Variants in PARG observed in about 807,000 individuals in gnomAD.
PARG encodes poly(ADP-ribose) glycohydrolase.
PARG carries 35 observed loss-of-function variants against 113.0 expected under a neutral mutation model. The ratio of observed to expected loss-of-function variants is 0.31; its 90% CI spans 0.24 to 0.41. PARG has a LOEUF of 0.41. Ranked by LOEUF, PARG falls within the 10% of genes least tolerant of loss-of-function variation. The pLI is 1.00. For missense variants in PARG, 797 were observed against 1,169.4 expected, an observed-to-expected ratio of 0.68 and a Z score of 4.64; for synonymous variants, 330 against 409.9, an observed-to-expected ratio of 0.81 and a Z score of 2.36.
At position 49,934,100 on chromosome 10, in the gene PARG, A is replaced by G. The variant is rs1838625560; in HGVS notation, c.348T>C (p.Asp116=). The change falls in exon 3 of 18, where the codon GAT becomes GAC. Residue 116 remains aspartate, a synonymous_variant. Coordinates refer to ENST00000616448, the MANE Select transcript of PARG (RefSeq NM_003631.5). Reference sequence around the variant, plus strand: ...TTTCTACATTATGTTGGTAAAAGTTATCTTTTTGTACAGAACTCATCATGG... The same window carrying G: ...TTTCTACATTATGTTGGTAAAAGTTGTCTTTTTGTACAGAACTCATCATGG... ...IESMMSSVQK[D]NFYQHNVEKL... 1 of 1,353,920 alleles carries G rather than the reference A, an allele frequency of 7.4e-7. No homozygotes were observed. Among genetic ancestry groups the G allele is most frequent in the Non-Finnish European group, 1.1e-6 (1 of 942,254 alleles). The allele number at this position is 1,353,920 out of a possible 1,614,324, so 83.9% of individuals were successfully genotyped here.
At chr10:49,920,509 CACAT>C (rs1455309519) in intron 6 of PARG, among the ~76,000 whole-genome samples, 10 of 122,190 alleles carry the variant, frequency 8.2e-5, no homozygotes, top group East Asian at 2.2e-4. Context: ...CACACACACA[CACAT>C]ATATATGTAT....
At chr10:49,883,992 T>A (rs1332290048) in intron 8 of PARG, among the ~76,000 whole-genome samples, 5 of 151,928 alleles carry the variant, frequency 3.3e-5, no homozygotes, top group African/African-American at 9.7e-5. Flanking sequence ...TATTATGTCA[T>A]AAGGACAATC....
intron 6 of PARG, among the ~76,000 whole-genome samples, chr10:49,920,903 A>T (rs2664662): frequency 6.6e-6 from 1 of 152,066 alleles, no homozygotes; most frequent in South Asian, 2.1e-4. Context: ...GCTAACCTGA[A>T]ATATTAAAAT....
At chr10:49,834,749 A>C (rs181095746) in intron 15 of PARG, among the ~76,000 whole-genome samples, 1 of 152,108 alleles carries the variant, frequency 6.6e-6, no homozygotes, top group East Asian at 1.9e-4. Flanking sequence ...CTGAGGTGGG[A>C]GGACTGCTTG....
intron 16 of PARG, among the ~76,000 whole-genome samples, chr10:49,824,938 G>A (rs1418896652): frequency 6.6e-6 from 1 of 152,096 alleles, no homozygotes; most frequent in Non-Finnish European, 1.5e-5. Context: ...TCAACTCCAA[G>A]CAGACCTTAC....
intron 7 of PARG, among the ~76,000 whole-genome samples, chr10:49,887,528 A>G (rs1554840668): frequency 6.6e-6 from 1 of 152,138 alleles, no homozygotes. Context: ...TTGCCATGTT[A>G]CCTACATGGA....
In PARG at chr10:49,941,485, A is replaced by T. The variant is rs1362549033; in HGVS notation, c.217+24T>A. The T allele has an allele frequency of 3.8e-4, 582 of 1,513,790 alleles. 1 individual carries two copies. The highest frequency in any genetic ancestry group is 5.0e-4 in the Non-Finnish European group (557 of 1,113,644). 93.8% of individuals were successfully genotyped at this position (1,513,790 alleles called of 1,614,324 possible). ...GAAGGTTCGGGCCGAGGCGAAGGACAAAGATTTTTATTTTCCCACGTACCA... is the reference window on the plus strand; with the variant it reads ...GAAGGTTCGGGCCGAGGCGAAGGACTAAGATTTTTATTTTCCCACGTACCA... On this transcript the variant is annotated intron_variant, in intron 1 of 17. Coordinates refer to ENST00000616448, the MANE Select transcript of PARG (RefSeq NM_003631.5).
At chr10:49,868,359 CT>C (rs1846624178) in intron 10 of PARG, among the ~76,000 whole-genome samples, 1 of 152,116 alleles carries the variant, frequency 6.6e-6, no homozygotes, top group South Asian at 2.1e-4. Flanking sequence ...CCAAATGATT[CT>C]GCATTGTAAT....
At chr10:49,937,604 G>A (rs1401039710) in intron 1 of PARG, among the ~76,000 whole-genome samples, 2 of 152,082 alleles carry the variant, frequency 1.3e-5, no homozygotes, top group Non-Finnish European at 2.9e-5. Flanking sequence ...GCAATGACTA[G>A]GTTCCTATAA....
intron 12 of PARG, 72 bp from the exon 13 acceptor site, chr10:49,857,525 T>C: frequency 2.4e-6 from 2 of 841,618 alleles, no homozygotes; most frequent in Non-Finnish European, 1.9e-6. Context: ...GCACATAGTC[T>C]CTAAGCTCTC....
At chr10:49,936,244 C>T (rs1164161063) in intron 1 of PARG, among the ~76,000 whole-genome samples, 1 of 152,060 alleles carries the variant, frequency 6.6e-6, no homozygotes, top group African/African-American at 2.4e-5. Flanking sequence ...TCATTACAGA[C>T]TTCACAATAA....
chr10:49,938,015 T>G (rs1838833114), intron 1 of PARG, among the ~76,000 whole-genome samples: 1 of 152,192 alleles, frequency 6.6e-6, no homozygotes, highest in Non-Finnish European at 1.5e-5. Context: ...CCAGGTTTCC[T>G]AGGAATTTTA....
At position 49,879,849 on chromosome 10, in the gene PARG, A is replaced by G. The variant is rs782745709; in HGVS notation, c.1831-19T>C. ...GTATTGGCTGATAAAAGAAACAAAA[A>G]AATACAGACGAGAAGAGCAATAATT... On this transcript the variant is annotated intron_variant, in intron 8 of 17. Coordinates refer to ENST00000616448, the MANE Select transcript of PARG (RefSeq NM_003631.5). 40 of 975,072 alleles carry G rather than the reference A, an allele frequency of 4.1e-5. No homozygotes were observed. The highest frequency in any genetic ancestry group is 5.8e-5 in the Non-Finnish European group (36 of 623,536). The allele number at this position is 975,072 out of a possible 1,614,324, so 60.4% of individuals were successfully genotyped here. A position where few individuals can be genotyped will look rare whatever the true frequency, so the allele number is the denominator to read the frequency against.
At chr10:49,911,558 TA>T (rs1393005209) in intron 7 of PARG, among the ~76,000 whole-genome samples, 3 of 152,222 alleles carry the variant, frequency 2.0e-5, no homozygotes, top group Non-Finnish European at 2.9e-5. Context: ...CAGAAAACAC[TA>T]AATAACAGCC....
intron 9 of PARG, among the ~76,000 whole-genome samples, chr10:49,876,898 C>T (rs1276592312): frequency 3.3e-5 from 5 of 151,340 alleles, no homozygotes; most frequent in African/African-American, 1.2e-4. Flanking sequence ...AAAATATGCC[C>T]CTTGCAACTA....
chr10:49,864,324 T>C (rs1462616694), intron 11 of PARG, among the ~76,000 whole-genome samples: 2 of 151,618 alleles, frequency 1.3e-5, no homozygotes, highest in Non-Finnish European at 3.0e-5. Context: ...TTAATAATCA[T>C]CTAAACCACG....
intron 8 of PARG, among the ~76,000 whole-genome samples, chr10:49,881,651 G>A (rs1554839500): frequency 3.9e-5 from 6 of 152,064 alleles, no homozygotes; most frequent in South Asian, 4.2e-4. Flanking sequence ...CCAAAACTGC[G>A]GTGCTGAATA....
chr10:49,844,039 G>C (rs1220116117), intron 13 of PARG, among the ~76,000 whole-genome samples: 1 of 152,092 alleles, frequency 6.6e-6, no homozygotes, highest in Non-Finnish European at 1.5e-5. Context: ...CAGCTACTAG[G>C]GGGGCTGAGG....
intron 7 of PARG, among the ~76,000 whole-genome samples, chr10:49,902,929 T>C (rs1848411620): frequency 6.6e-6 from 1 of 150,650 alleles, no homozygotes; most frequent in South Asian, 2.1e-4. Flanking sequence ...GCCTCCCGGG[T>C]TCAAGTGATT....
Sources: allele counts gnomAD v4.1 joint callset (sites outside exome capture counted in the v4.1 genomes callset), GRCh38; gene constraint gnomAD v4.1.1; transcripts MANE v1.5; gene names NCBI Gene and HGNC (gene_info 2026-07-23, HGNC 2026-07-21).